The following DCHS2 variants were observed in gnomAD, a reference collection of about 807,000 sequenced individuals.
The protein encoded by DCHS2 is dachsous cadherin-related 2, also known as protocadherin-23.
DCHS2 carries 142 observed loss-of-function variants against 182.4 expected under a neutral mutation model. The observed-to-expected ratio is 0.78, with a 90% CI of 0.68 to 0.89. The LOEUF (loss-of-function observed/expected upper bound fraction) is 0.89, where lower values mean the gene tolerates loss of function less well. DCHS2 is among the 40% of genes least tolerant of loss of function. The pLI, the probability that DCHS2 is intolerant of heterozygous loss-of-function variation, is 0.00. For synonymous variants in DCHS2, 1,740 were observed against 1,663.3 expected (o/e 1.05, Z -1.12); for missense variants, 4,319 against 4,198.6 (o/e 1.03, Z -0.79).
chr4:154,405,234 G>T (rs1310914555), intron 1 of DCHS2, among the ~76,000 whole-genome samples: 4 of 151,970 alleles, frequency 2.6e-5, no homozygotes, highest in African/African-American at 9.7e-5. Context: ...CTGGGCAACA[G>T]AGCAAAACTC....
At chr4:154,318,639 G>A (rs183309495) in intron 9 of DCHS2, among the ~76,000 whole-genome samples, 1 of 152,000 alleles carries the variant, frequency 6.6e-6, no homozygotes, top group Non-Finnish European at 1.5e-5. Context: ...CAGGGATAAA[G>A]CTAGCTGAGG....
chr4:154,377,009 A>G (rs1730931714), intron 2 of DCHS2, among the ~76,000 whole-genome samples: 1 of 152,220 alleles, frequency 6.6e-6, no homozygotes, highest in Admixed American at 6.5e-5. Flanking sequence ...AGATATCATT[A>G]AAGCATTATT....
chr4:154,488,562 G>A (rs1216251068), intron 1 of DCHS2, among the ~76,000 whole-genome samples: 3 of 151,456 alleles, frequency 2.0e-5, no homozygotes, highest in African/African-American at 4.9e-5. Context: ...ACTCACTTAC[G>A]AGAACTACCT....
chr4:154,274,548 A>G (rs1045859143), intron 13 of DCHS2, among the ~76,000 whole-genome samples: 2 of 152,126 alleles, frequency 1.3e-5, no homozygotes, highest in Non-Finnish European at 2.9e-5. Flanking sequence ...TTATAACTCT[A>G]TATTAGTTTT....
At chr4:154,472,155 A>G (rs1735498988) in intron 1 of DCHS2, among the ~76,000 whole-genome samples, 1 of 152,222 alleles carries the variant, frequency 6.6e-6, no homozygotes, top group Admixed American at 6.5e-5. Flanking sequence ...GGTTGTCAAC[A>G]GTGTCACACA....
At chr4:154,246,652 G>T (rs1337965191) in intron 16 of DCHS2, among the ~76,000 whole-genome samples, 1 of 152,048 alleles carries the variant, frequency 6.6e-6, no homozygotes, top group Non-Finnish European at 1.5e-5. Context: ...ACCTTGGAGA[G>T]ATATCAGAAG....
intron 1 of DCHS2, among the ~76,000 whole-genome samples, chr4:154,405,698 C>T (rs1732371983): frequency 6.6e-6 from 1 of 152,176 alleles, no homozygotes. Context: ...CACATATTCT[C>T]TCATTAGAAA....
In DCHS2 at chr4:154,309,325, G is replaced by A. The variant is rs187232851; in HGVS notation, c.5261-4094C>T. Among the ~76,000 whole-genome samples the A allele has an allele frequency of 3.4e-4, 51 of 152,170 alleles. 1 individual carries two copies. The East Asian group carries it at 9.5e-3, about 28-fold the overall frequency. On this transcript the variant is annotated intron_variant, in intron 10 of 19. Coordinates refer to ENST00000357232, the MANE Select transcript of DCHS2 (RefSeq NM_001358235.2). ...TCTCTCCTAGGGTTTGCCACAAAAG[G>A]ACACTAGAAGGAGACCAAAAGTCAG...
At chr4:154,240,421 A>C in intron 18 of DCHS2, 116 bp downstream of exon 18, 1 of 1,269,094 alleles carries the variant, frequency 7.9e-7, no homozygotes, top group Non-Finnish European at 1.1e-6. Context: ...TAACTTAGGC[A>C]CTACAAACAG....
intron 16 of DCHS2, among the ~76,000 whole-genome samples, chr4:154,253,869 A>T (rs1732514583): frequency 6.6e-6 from 1 of 150,450 alleles, no homozygotes; most frequent in Non-Finnish European, 1.5e-5. Flanking sequence ...TAATTTTTTC[A>T]TAAAACATAA....
At chr4:154,416,343 G>GC in intron 1 of DCHS2, among the ~76,000 whole-genome samples, 1 of 152,140 alleles carries the variant, frequency 6.6e-6, no homozygotes, top group East Asian at 1.9e-4. Context: ...ACCTCACAGC[G>GC]CCCCCACCTC....
rs202129937 is a variant in DCHS2 at position 154,252,697 on chromosome 4, ATATG to A, written c.6941+2818_6941+2821del. Among the ~76,000 whole-genome samples, 125 of 151,580 alleles carry A rather than the reference ATATG, an allele frequency of 8.2e-4. 2 individuals carry two copies. In the East Asian group the frequency reaches 0.021, roughly 26 times the overall value. On this transcript the variant is annotated intron_variant, in intron 16 of 19. Transcript: ENST00000357232. ...ATGGCTAAATAATACTCCATTGTGT[ATATG>A]TATCCCATTTTCTTTATCCATTCAC...
intron 1 of DCHS2, among the ~76,000 whole-genome samples, chr4:154,414,487 C>CTTTTT (rs375818839): frequency 6.2e-4 from 46 of 73,664 alleles, no homozygotes; most frequent in South Asian, 1.5e-3. Context: ...ATACAGCTTT[C>CTTTTT]TTTTTTTTTT....
chr4:154,426,034 C>A (rs1465895101), intron 1 of DCHS2, among the ~76,000 whole-genome samples: 1 of 152,136 alleles, frequency 6.6e-6, no homozygotes, highest in African/African-American at 2.4e-5. Flanking sequence ...TTGTTTCCTT[C>A]CTTGATTGCC....
intron 3 of DCHS2, among the ~76,000 whole-genome samples, chr4:154,357,623 T>A (rs1729936563): frequency 6.6e-6 from 1 of 152,184 alleles, no homozygotes; most frequent in South Asian, 2.1e-4. Context: ...ACCTGCCCAT[T>A]GTACACTTGC....
chr4:154,389,279 A>G (rs1731561313), intron 1 of DCHS2, among the ~76,000 whole-genome samples: 1 of 152,080 alleles, frequency 6.6e-6, no homozygotes, highest in South Asian at 2.1e-4. Flanking sequence ...GTACAAAAAC[A>G]GACAGGAGGC....
In DCHS2 at chr4:154,491,266, A is replaced by G; in HGVS notation, c.90T>C (p.Asp30=). Residue 30 remains aspartate, a synonymous_variant, in exon 1 of 20, where the codon GAT becomes GAC. Transcript: ENST00000357232. ...TGCTGCCTGACCGCCCATGGGGTGTATCTCTCCTCCCGGGGAGCAGAAGGA... is the reference window on the plus strand; with the variant it reads ...TGCTGCCTGACCGCCCATGGGGTGTGTCTCTCCTCCCGGGGAGCAGAAGGA... The part of the protein sequence containing the change: ...GKLLLLPGRR[D]TPHGRSGSSG... 1 of 1,551,114 alleles carries G rather than the reference A, an allele frequency of 6.4e-7. No homozygotes were observed. Among genetic ancestry groups the G allele is most frequent in the African/African-American group, 1.4e-5 (1 of 73,144 alleles).
chr4:154,347,899 G>T (rs1456538595), intron 3 of DCHS2, among the ~76,000 whole-genome samples: 1 of 151,920 alleles, frequency 6.6e-6, no homozygotes, highest in East Asian at 1.9e-4. Context: ...AAATGGTACA[G>T]ATTTCTGGTC....
At position 154,236,895 on chromosome 4, in the gene DCHS2, T is replaced by G; in HGVS notation, c.7757A>C (p.Glu2586Ala). 1 of 1,614,124 alleles carries G rather than the reference T, an allele frequency of 6.2e-7. No homozygotes were observed. The highest frequency in any genetic ancestry group is 8.5e-7 in the Non-Finnish European group (1 of 1,179,974). Reference sequence around the variant, plus strand: ...TGAATTACCACTGATGATGGAATATTCAACATATGTGTTTTCACGGGTCCA... The same window carrying G: ...TGAATTACCACTGATGATGGAATATGCAACATATGTGTTTTCACGGGTCCA... The part of the protein sequence containing the change: ...HDWTRENTYV[E>A]YSIISGNSQN... The change falls in exon 20 of 20, where the codon GAA becomes GCA. Residue 2586 changes from glutamate to alanine, a missense_variant. Coordinates refer to ENST00000357232, the MANE Select transcript of DCHS2 (RefSeq NM_001358235.2).
Sources: gnomAD v4.1 joint callset for allele counts (sites outside exome capture counted in the v4.1 genomes callset) on GRCh38, gnomAD v4.1.1 for gene constraint, MANE v1.5 for transcripts, NCBI Gene and HGNC (gene_info 2026-07-23, HGNC 2026-07-21) for gene names.